The following IL1RAPL2 variants were observed in gnomAD, a reference collection of about 807,000 sequenced individuals.
IL1RAPL2 encodes X-linked interleukin-1 receptor accessory protein-like 2.
A neutral mutation model predicts 44.1 loss-of-function variants in IL1RAPL2; 3 were observed. The ratio of observed to expected loss-of-function variants is 0.07; its 90% CI spans 0.03 to 0.18. IL1RAPL2 has a LOEUF of 0.18. IL1RAPL2 is among the 10% of genes least tolerant of loss of function. The pLI is 1.00. For missense variants in IL1RAPL2, 391 were observed against 496.4 expected (o/e 0.79, Z 2.02); for synonymous variants, 181 against 178.8 (o/e 1.01, Z -0.10).
chrX:105,026,368 A>G (rs1439904790), intron 2 of IL1RAPL2, among the ~76,000 whole-genome samples: 1 of 110,598 alleles, frequency 9.0e-6, no homozygotes, highest in Admixed American at 9.7e-5. Context: ...TTTGAGCATC[A>G]TGCAGGTGCT....
At chrX:104,977,013 G>A (rs903632176) in intron 2 of IL1RAPL2, among the ~76,000 whole-genome samples, 1 of 111,750 alleles carries the variant, frequency 8.9e-6, no homozygotes, top group Non-Finnish European at 1.9e-5. Context: ...GAAGTGACAA[G>A]GATGTGTCTC....
intron 6 of IL1RAPL2, among the ~76,000 whole-genome samples, chrX:105,519,630 C>T (rs1333650422): frequency 9.0e-6 from 1 of 110,983 alleles, no homozygotes; most frequent in African/African-American, 3.3e-5. Context: ...AGCAATGAAA[C>T]CATTGGTTTG....
chrX:105,654,681 A>G (rs2037665728), intron 6 of IL1RAPL2, among the ~76,000 whole-genome samples: 1 of 111,587 alleles, frequency 9.0e-6, no homozygotes, highest in African/African-American at 3.3e-5. Flanking sequence ...AAAACATCTT[A>G]TTTTATTTGC....
At chrX:105,601,747 C>T (rs1336604453) in intron 6 of IL1RAPL2, among the ~76,000 whole-genome samples, 1 of 110,883 alleles carries the variant, frequency 9.0e-6, no homozygotes, top group African/African-American at 3.3e-5. Flanking sequence ...GGAGCCACTA[C>T]CAGACCACAT....
chrX:104,893,926 G>A (rs1006602551), intron 2 of IL1RAPL2, among the ~76,000 whole-genome samples: 48 of 111,704 alleles, frequency 4.3e-4, no homozygotes, highest in Non-Finnish European at 6.2e-4. Context: ...GGCTGGTACC[G>A]GTTGTTCCTT....
rs1263427414 is a variant in IL1RAPL2 at position 105,099,305 on chromosome X, T to C, written c.83-96170T>C. Among the ~76,000 whole-genome samples, 4 of 110,871 alleles carry C rather than the reference T, an allele frequency of 3.6e-5. No individual in the cohort carries two copies. In the East Asian group the frequency reaches 8.5e-4, roughly 24 times the overall value. On this transcript the variant is annotated intron_variant, in intron 2 of 10. Coordinates refer to ENST00000372582, the MANE Select transcript of IL1RAPL2 (RefSeq NM_017416.2). The stretch of plus-strand genomic sequence containing the variant: ...AAAGAAAAGAGATTGAATTGACTTA[T>C]GGTCCTGCAGGCTGTACAAGCATAG...
At position 104,649,239 on chromosome X, in the gene IL1RAPL2, G is replaced by A. The variant is rs767194576; in HGVS notation, c.-19-9656G>A. ...TTCTACCTCTGATTCTAATGGTTAGGGCTAACAACAGACTTGGCTGCCACT... is the reference window on the plus strand; with the variant it reads ...TTCTACCTCTGATTCTAATGGTTAGAGCTAACAACAGACTTGGCTGCCACT... On this transcript the variant is annotated intron_variant, in intron 1 of 10. Transcript: ENST00000372582. 3.6e-5 allele frequency among the ~76,000 whole-genome samples: 4 copies of A among 111,008 alleles called. No homozygotes were observed. The East Asian group carries it at 8.5e-4, about 24-fold the overall frequency.
chrX:104,965,042 A>G (rs2030093093), intron 2 of IL1RAPL2, among the ~76,000 whole-genome samples: 1 of 111,799 alleles, frequency 8.9e-6, no homozygotes, highest in African/African-American at 3.3e-5. Context: ...AGGCACACCA[A>G]AAGAAGGATC....
intron 2 of IL1RAPL2, among the ~76,000 whole-genome samples, chrX:104,811,643 G>A (rs1285443524): frequency 9.0e-6 from 1 of 111,052 alleles, no homozygotes; most frequent in East Asian, 2.8e-4. Flanking sequence ...ATCTGATGCA[G>A]TTATTTTAGA....
At position 104,887,335 on chromosome X, in the gene IL1RAPL2, C is replaced by A. The variant is rs143053852; in HGVS notation, c.82+228340C>A. Among the ~76,000 whole-genome samples the A allele has an allele frequency of 6.3e-3, 711 of 112,236 alleles. 3 individuals are homozygous for A. The highest frequency in any genetic ancestry group is 0.022 in the African/African-American group (675 of 30,911). ...CCACACGGCAAAACTTCTCTTTATACGTCACAGAGAGAGCAGAGATAGCTC... is the reference window on the plus strand; with the variant it reads ...CCACACGGCAAAACTTCTCTTTATAAGTCACAGAGAGAGCAGAGATAGCTC... On this transcript the variant is annotated intron_variant, in intron 2 of 10. Coordinates refer to ENST00000372582, the MANE Select transcript of IL1RAPL2 (RefSeq NM_017416.2).
At chrX:104,943,089 G>C (rs927788656) in intron 2 of IL1RAPL2, among the ~76,000 whole-genome samples, 2 of 111,078 alleles carry the variant, frequency 1.8e-5, no homozygotes, top group Admixed American at 1.9e-4. Flanking sequence ...TGCTGGATTC[G>C]GTTTGCCAGT....
intron 1 of IL1RAPL2, among the ~76,000 whole-genome samples, chrX:104,611,030 G>C (rs976600903): frequency 9.0e-5 from 10 of 111,536 alleles, no homozygotes; most frequent in African/African-American, 2.9e-4. Flanking sequence ...TCCTCTGGAA[G>C]CTTTGTCCTA....
chrX:105,700,936 G>T (rs747277763), intron 6 of IL1RAPL2, among the ~76,000 whole-genome samples: 1 of 110,381 alleles, frequency 9.1e-6, no homozygotes, highest in East Asian at 2.9e-4. Context: ...CTCCCCAGTG[G>T]TGCTTCAGGT....
intron 2 of IL1RAPL2, among the ~76,000 whole-genome samples, chrX:105,188,166 G>C (rs1434807170): frequency 1.8e-5 from 2 of 111,356 alleles, no homozygotes; most frequent in Admixed American, 1.9e-4. Flanking sequence ...GAGGTGGTCA[G>C]TGAGAAGAGA....
At chrX:104,825,404 A>C (rs1039664041) in intron 2 of IL1RAPL2, among the ~76,000 whole-genome samples, 1 of 112,124 alleles carries the variant, frequency 8.9e-6, no homozygotes, top group African/African-American at 3.2e-5. Context: ...AATAGCTCAG[A>C]TATGGGGCCT....
chrX:105,029,609 C>T (rs2031445479), intron 2 of IL1RAPL2, among the ~76,000 whole-genome samples: 1 of 109,132 alleles, frequency 9.2e-6, no homozygotes, highest in East Asian at 2.9e-4. Flanking sequence ...GCATAGTATT[C>T]CATGGTGTAT....
chrX:105,126,215 C>G (rs2032973779), intron 2 of IL1RAPL2, among the ~76,000 whole-genome samples: 1 of 110,950 alleles, frequency 9.0e-6, no homozygotes, highest in Non-Finnish European at 1.9e-5. Flanking sequence ...TGAAAGTGCT[C>G]TATGTATTTG....
chrX:105,257,418 T>C (rs930817540), intron 4 of IL1RAPL2, among the ~76,000 whole-genome samples: 37 of 111,973 alleles, frequency 3.3e-4, no homozygotes, highest in Non-Finnish European at 4.7e-4. Flanking sequence ...TTCTGTTGTT[T>C]TCAGGTGGAG....
chrX:104,898,486 TAAG>T (rs1923717379), intron 2 of IL1RAPL2, among the ~76,000 whole-genome samples: 1 of 112,675 alleles, frequency 8.9e-6, no homozygotes, highest in South Asian at 3.6e-4. Flanking sequence ...TTATTTCAAA[TAAG>T]AATCAGAAAA....
Sources: gnomAD v4.1 joint callset for allele counts (sites outside exome capture counted in the v4.1 genomes callset) on GRCh38, gnomAD v4.1.1 for gene constraint, MANE v1.5 for transcripts, NCBI Gene and HGNC (gene_info 2026-07-23, HGNC 2026-07-21) for gene names.